DYM: variants seen among roughly 807,000 people sequenced by gnomAD.
The protein encoded by DYM is dyggve-Melchior-Clausen syndrome protein.
Under a neutral mutation model 93.1 loss-of-function variants are expected in DYM, and 78 were observed. That is an observed-to-expected ratio of 0.84 (90% CI 0.70 to 1.01). DYM has a LOEUF of 1.01. Ranked by LOEUF, DYM falls within the 50% of genes least tolerant of loss-of-function variation. DYM has a pLI of 0.00. For missense variants in DYM, 789 were observed against 845.0 expected (o/e 0.93, Z 0.82); for synonymous variants, 321 against 319.7 (o/e 1.00, Z -0.04).
intron 8 of DYM, among the ~76,000 whole-genome samples, chr18:49,306,877 A>C (rs938880962): frequency 6.6e-6 from 1 of 152,156 alleles, no homozygotes; most frequent in Admixed American, 6.5e-5. Context: ...CTGGATTTAA[A>C]TGTTTTATTT....
intron 14 of DYM, among the ~76,000 whole-genome samples, chr18:49,182,032 G>A (rs544510707): frequency 5.6e-4 from 85 of 152,070 alleles, no homozygotes; most frequent in Admixed American, 1.4e-3. Context: ...TTTAAAAATC[G>A]CTTTTGGTTT....
intron 1 of DYM, among the ~76,000 whole-genome samples, chr18:49,434,723 C>T (rs1027835427): frequency 4.0e-5 from 6 of 151,474 alleles, no homozygotes; most frequent in Non-Finnish European, 5.9e-5. Context: ...CACAGCAACT[C>T]GGGAGGCTGA....
At chr18:49,108,147 A>G (rs2081042005) in intron 16 of DYM, among the ~76,000 whole-genome samples, 1 of 152,090 alleles carries the variant, frequency 6.6e-6, no homozygotes, top group Non-Finnish European at 1.5e-5. Flanking sequence ...TTGCAGTTTG[A>G]TCTCAGACTA....
At chr18:49,185,979 G>C (rs1323342790) in intron 14 of DYM, among the ~76,000 whole-genome samples, 2 of 152,104 alleles carry the variant, frequency 1.3e-5, no homozygotes, top group African/African-American at 4.8e-5. Flanking sequence ...TTATTACGAT[G>C]TGTCACTTTC....
intron 2 of DYM, among the ~76,000 whole-genome samples, chr18:49,405,972 C>A (rs1423098446): frequency 6.6e-6 from 1 of 151,992 alleles, no homozygotes; most frequent in Non-Finnish European, 1.5e-5. Context: ...TAGGTATTTT[C>A]TTTTTTGTGA....
chr18:49,316,060 T>C (rs1001174959), intron 8 of DYM, among the ~76,000 whole-genome samples: 1 of 152,186 alleles, frequency 6.6e-6, no homozygotes, highest in African/African-American at 2.4e-5. Flanking sequence ...GGTGAGCAGA[T>C]TGCTTGAGGT....
At position 49,409,251 on chromosome 18, in the gene DYM, T is replaced by G. The variant is rs556270628; in HGVS notation, c.141-17606A>C. 9.0e-5 allele frequency among the ~76,000 whole-genome samples: 13 copies of G among 143,810 alleles called. 1 individual carries two copies. Among genetic ancestry groups the G allele is most frequent in the Middle Eastern group, 7.6e-3 (2 of 262 alleles). 94.3% of individuals were successfully genotyped at this position (143,810 alleles called of 152,430 possible). Reference sequence around the variant, plus strand: ...GTGAGCCGAGATTGCACCACTGCACTCTAGTCTGGGTGACAGAGTGAGACT... The same window carrying G: ...GTGAGCCGAGATTGCACCACTGCACGCTAGTCTGGGTGACAGAGTGAGACT... On this transcript the variant is annotated intron_variant, in intron 2 of 17. Transcript: ENST00000675505.
chr18:49,349,420 G>C (rs1189423321), intron 6 of DYM, among the ~76,000 whole-genome samples: 2 of 151,988 alleles, frequency 1.3e-5, no homozygotes, highest in African/African-American at 4.8e-5. Flanking sequence ...TGAAAAGATG[G>C]ACATATAATG....
intron 1 of DYM, among the ~76,000 whole-genome samples, chr18:49,443,633 C>T (rs868682373): frequency 6.6e-6 from 1 of 152,110 alleles, no homozygotes; most frequent in East Asian, 1.9e-4. Context: ...CACAATATCC[C>T]GATATGCCCT....
chr18:49,443,121 T>A (rs2081802054), intron 1 of DYM, among the ~76,000 whole-genome samples: 1 of 152,188 alleles, frequency 6.6e-6, no homozygotes, highest in Non-Finnish European at 1.5e-5. Flanking sequence ...ATGCCGGGAT[T>A]ATAGGCATAA....
chr18:49,104,511 C>T (rs900238680), intron 16 of DYM, among the ~76,000 whole-genome samples: 12 of 152,272 alleles, frequency 7.9e-5, no homozygotes, highest in African/African-American at 2.9e-4. Context: ...GGGAATGCTT[C>T]CAGTTTTTGC....
At chr18:49,321,167 A>G (rs937940390) in intron 8 of DYM, 65 of 385,906 alleles carry the variant, frequency 1.7e-4, no homozygotes, top group Non-Finnish European at 2.6e-4. Context: ...ACTTTTAAAT[A>G]TTTTTAAATT....
chr18:49,391,766 T>G, intron 2 of DYM, 121 bp from the exon 3 acceptor site: 3 of 755,288 alleles, frequency 4.0e-6, no homozygotes, highest in East Asian at 3.0e-5. Flanking sequence ...TGGTGCACAG[T>G]AGTGAACAAT....
chr18:49,405,245 T>C (rs537407413), intron 2 of DYM, among the ~76,000 whole-genome samples: 1 of 152,286 alleles, frequency 6.6e-6, no homozygotes, highest in East Asian at 1.9e-4. Context: ...GCTCGTTAGT[T>C]TAAATAGATT....
At chr18:49,412,391 G>A (rs2072365021) in intron 2 of DYM, among the ~76,000 whole-genome samples, 1 of 152,072 alleles carries the variant, frequency 6.6e-6, no homozygotes, top group African/African-American at 2.4e-5. Flanking sequence ...GATTAATCCT[G>A]GGAAAACTTA....
At chr18:49,341,457 A>G (rs1289460076) in intron 6 of DYM, among the ~76,000 whole-genome samples, 1 of 133,244 alleles carries the variant, frequency 7.5e-6, no homozygotes, top group Admixed American at 8.8e-5. Context: ...GCACCACTGC[A>G]TTCTAGCCTG....
At chr18:49,382,699 T>C (rs918955509) in intron 3 of DYM, among the ~76,000 whole-genome samples, 4 of 152,176 alleles carry the variant, frequency 2.6e-5, no homozygotes, top group African/African-American at 9.7e-5. Context: ...GGCCCCTGCC[T>C]CAGTTTCCTC....
intron 5 of DYM, among the ~76,000 whole-genome samples, chr18:49,372,586 A>C (rs1273521648): frequency 6.6e-6 from 1 of 152,160 alleles, no homozygotes; most frequent in African/African-American, 2.4e-5. Flanking sequence ...CTACTAAAAA[A>C]ATACAAAAAT....
intron 2 of DYM, among the ~76,000 whole-genome samples, chr18:49,403,818 G>T (rs1053501956): frequency 6.6e-6 from 1 of 151,590 alleles, no homozygotes; most frequent in Non-Finnish European, 1.5e-5. Flanking sequence ...GTTTCCACCT[G>T]TATGTAAGAA....
Sources: allele counts gnomAD v4.1 joint callset (sites outside exome capture counted in the v4.1 genomes callset), GRCh38; gene constraint gnomAD v4.1.1; transcripts MANE v1.5; gene names NCBI Gene and HGNC (gene_info 2026-07-23, HGNC 2026-07-21).